PKP4: variants seen among roughly 807,000 people sequenced by gnomAD.
PKP4 encodes plakophilin 4, also known as plakophilin-4.
PKP4 carries 90 observed loss-of-function variants against 145.1 expected under a neutral mutation model. The ratio of observed to expected loss-of-function variants is 0.62; its 90% CI spans 0.52 to 0.74. PKP4 has a LOEUF of 0.74. PKP4 is among the 30% of genes least tolerant of loss of function. The pLI, the probability that PKP4 is intolerant of heterozygous loss-of-function variation, is 0.00. For synonymous variants in PKP4, 563 were observed against 577.2 expected (o/e 0.98, Z 0.35); for missense variants, 1,340 against 1,482.7 (o/e 0.90, Z 1.58).
In PKP4 at chr2:158,629,390, G is replaced by T. The variant is rs182199892; in HGVS notation, c.1154-2363G>T. ...GCAAGGAAGTAGCTCTCTAATGGGG[G>T]CGAATCACATTTCCTTTTGGACTCT... is the stretch of plus-strand genomic sequence containing the variant. On this transcript the variant is annotated intron_variant, in intron 7 of 21. Coordinates refer to ENST00000389759, the MANE Select transcript of PKP4 (RefSeq NM_003628.6). Among the ~76,000 whole-genome samples the T allele has an allele frequency of 4.2e-3, 642 of 152,244 alleles. 10 individuals carry two copies. Among genetic ancestry groups the T allele is most frequent in the East Asian group, 7.0e-3 (36 of 5,164 alleles).
At chr2:158,653,772 G>T (rs1290431207) in intron 11 of PKP4, among the ~76,000 whole-genome samples, 1 of 152,228 alleles carries the variant, frequency 6.6e-6, no homozygotes, top group Non-Finnish European at 1.5e-5. Context: ...GCATTAGGAT[G>T]TTGGAGTTAG....
chr2:158,653,048 T>C (rs755954010), intron 11 of PKP4, among the ~76,000 whole-genome samples: 4 of 152,234 alleles, frequency 2.6e-5, no homozygotes, highest in Non-Finnish European at 5.9e-5. Context: ...CTGGCACCTT[T>C]ATGGCTGTTG....
chr2:158,485,790 T>C (rs985326270), intron 1 of PKP4, among the ~76,000 whole-genome samples: 1 of 152,330 alleles, frequency 6.6e-6, no homozygotes, highest in Admixed American at 6.5e-5. Flanking sequence ...AGATTTGTTT[T>C]TGTTTTGTTT....
In PKP4 at chr2:158,486,978, G is replaced by C. The variant is rs1243933930; in HGVS notation, c.-6+29760G>C. On this transcript the variant is annotated intron_variant, in intron 1 of 21. Transcript: ENST00000389759. ...TTACAGTAACATTTTAAATACAAAG[G>C]AGACTATCTTCCATGTCAGCTTCAT... 2.6e-5 allele frequency among the ~76,000 whole-genome samples: 4 copies of C among 152,210 alleles called. No individual in the cohort carries two copies. In the East Asian group the frequency reaches 5.8e-4, roughly 22 times the overall value.
At chr2:158,506,025 A>G (rs1314427138) in intron 1 of PKP4, among the ~76,000 whole-genome samples, 1 of 152,224 alleles carries the variant, frequency 6.6e-6, no homozygotes. Context: ...CCTCCAAGCT[A>G]TACTGTGAAA....
At position 158,640,116 on chromosome 2, in the gene PKP4, TCTGTGTTTCTGTGTTATACTC is replaced by T. The variant is rs2054148325; in HGVS notation, c.1563-510_1563-490del. 7.2e-5 allele frequency among the ~76,000 whole-genome samples: 11 copies of T among 152,344 alleles called. 3 individuals are homozygous for T. The highest frequency in any genetic ancestry group is 2.6e-4 in the African/African-American group (11 of 41,588). On this transcript the variant is annotated intron_variant, in intron 9 of 21. Coordinates refer to ENST00000389759, the MANE Select transcript of PKP4 (RefSeq NM_003628.6). ...CTGGTCAAATACTTGTTTATAGTTT[TCTGTGTTTCTGTGTTATACTC>T]AAGAGCAACCATAAACATTGTTTCT...
At chr2:158,634,445 A>G (rs1001474568) in intron 9 of PKP4, among the ~76,000 whole-genome samples, 156 bp downstream of exon 9, 5 of 152,198 alleles carry the variant, frequency 3.3e-5, no homozygotes, top group African/African-American at 1.2e-4. Flanking sequence ...TTCCAGCTAT[A>G]TAGGTCATTG....
Position 158,574,974 on chromosome 2 carries a change from T to G in PKP4, c.133-2297T>G, listed in dbSNP as rs1479068915. Among the ~76,000 whole-genome samples, 3 of 152,202 alleles carry G rather than the reference T, an allele frequency of 2.0e-5. No individual in the cohort carries two copies. In the East Asian group the frequency reaches 5.8e-4, roughly 29 times the overall value. ...TTCTGTGGGTACGTCAATCAAAGTT[T>G]CTAGTTGTAAGATACAGAAACTAAC... is the stretch of plus-strand genomic sequence containing the variant. On this transcript the variant is annotated intron_variant, in intron 2 of 21. Coordinates refer to ENST00000389759, the MANE Select transcript of PKP4 (RefSeq NM_003628.6).
intron 2 of PKP4, among the ~76,000 whole-genome samples, chr2:158,536,182 A>T (rs1357140402): frequency 6.6e-6 from 1 of 152,184 alleles, no homozygotes; most frequent in African/African-American, 2.4e-5. Flanking sequence ...TTGAATATTG[A>T]GCACTGTTTA....
At chr2:158,676,013 T>A (rs1246329811) in intron 19 of PKP4, among the ~76,000 whole-genome samples, 1 of 152,094 alleles carries the variant, frequency 6.6e-6, no homozygotes, top group Non-Finnish European at 1.5e-5. Context: ...TGCCACAGTG[T>A]CCAAAAAGAG....
At chr2:158,468,066 C>T (rs1223826742) in intron 1 of PKP4, among the ~76,000 whole-genome samples, 1 of 152,102 alleles carries the variant, frequency 6.6e-6, no homozygotes, top group Non-Finnish European at 1.5e-5. Flanking sequence ...ATAGCTATTA[C>T]AAATAGAGTT....
chr2:158,461,515 G>A (rs1369091633), intron 1 of PKP4, among the ~76,000 whole-genome samples: 1 of 152,126 alleles, frequency 6.6e-6, no homozygotes, highest in Non-Finnish European at 1.5e-5. Context: ...ATTAAAATGT[G>A]GAAGTGTCTG....
intron 3 of PKP4, among the ~76,000 whole-genome samples, chr2:158,592,031 T>C (rs1395470485): frequency 6.6e-6 from 1 of 152,126 alleles, no homozygotes; most frequent in African/African-American, 2.4e-5. Flanking sequence ...CAACTCCTGA[T>C]CAGTGTTTAT....
At position 158,640,661 on chromosome 2, in the gene PKP4, G is replaced by A. The variant is rs201489438; in HGVS notation, c.1597G>A (p.Val533Ile). ...CTGGCGTGATCCTGAGTTGCCTGAG[G>A]TCATTCACATGCTTCAGCACCAGTT... is the stretch of plus-strand genomic sequence containing the variant. ...FAWRDPELPE[V>I]IHMLQHQFPS... Residue 533 changes from valine to isoleucine, a missense_variant, in exon 10 of 22, where the codon GTC becomes ATC. Transcript: ENST00000389759. 6 of 1,613,712 alleles carry A rather than the reference G, an allele frequency of 3.7e-6. No homozygotes were observed. Among genetic ancestry groups the A allele is most frequent in the South Asian group, 1.1e-5 (1 of 91,078 alleles).
chr2:158,622,593 A>G (rs1005379144), intron 6 of PKP4, among the ~76,000 whole-genome samples: 7 of 152,184 alleles, frequency 4.6e-5, no homozygotes, highest in Non-Finnish European at 7.3e-5. Context: ...ACGGTTCCCA[A>G]CGCCCACAGA....
intron 4 of PKP4, among the ~76,000 whole-genome samples, chr2:158,605,899 G>T (rs2050615506): frequency 6.6e-6 from 1 of 151,996 alleles, no homozygotes; most frequent in Non-Finnish European, 1.5e-5. Flanking sequence ...CATACATGTG[G>T]TCCTTGTGGC....
chr2:158,588,219 T>C (rs2048967811), intron 3 of PKP4: 1 of 152,176 alleles, frequency 6.6e-6, no homozygotes, highest in Non-Finnish European at 1.5e-5. Context: ...TTTTTAATTT[T>C]TCTAGATCTT....
intron 5 of PKP4, 47 bp downstream of exon 5, chr2:158,621,168 A>G (rs1446310796): frequency 2.5e-6 from 4 of 1,613,428 alleles, no homozygotes; most frequent in Non-Finnish European, 3.4e-6. Context: ...TTAAGATTTT[A>G]TTCTTGAAAG....
At chr2:158,523,043 G>C (rs993897041) in intron 1 of PKP4, among the ~76,000 whole-genome samples, 3 of 152,028 alleles carry the variant, frequency 2.0e-5, no homozygotes, top group East Asian at 1.9e-4. Flanking sequence ...AGGCAGCAGC[G>C]AGGCTGGGGG....
Sources: gnomAD v4.1 joint callset for allele counts (sites outside exome capture counted in the v4.1 genomes callset) on GRCh38, gnomAD v4.1.1 for gene constraint, MANE v1.5 for transcripts, NCBI Gene and HGNC (gene_info 2026-07-23, HGNC 2026-07-21) for gene names.